The following SLAMF1 variants were observed in gnomAD, a reference collection of about 807,000 sequenced individuals.
The protein encoded by SLAMF1 is signaling lymphocytic activation molecule.
A neutral mutation model predicts 35.1 loss-of-function variants in SLAMF1; 18 were observed. The ratio of observed to expected loss-of-function variants is 0.51; its 90% confidence interval spans 0.35 to 0.76. The LOEUF is 0.76. SLAMF1 is among the 30% of genes least tolerant of loss of function. The pLI, the probability that SLAMF1 is intolerant of heterozygous loss-of-function variation, is 0.01. For missense variants in SLAMF1, 392 were observed against 413.0 expected (o/e 0.95, Z 0.44); for synonymous variants, 168 against 157.2 (o/e 1.07, Z -0.51).
chr1:160,612,619 G>C, intron 5 of SLAMF1, 39 bp from the exon 6 acceptor site: 4 of 1,265,022 alleles, frequency 3.2e-6, no homozygotes, highest in Non-Finnish European at 4.6e-6. Flanking sequence ...GCTGAACAGA[G>C]AGAGCTAGTT....
Position 160,642,672 on chromosome 1 carries a change from CA to C in SLAMF1, c.76+4197del, listed in dbSNP as rs1660813965. 6.6e-6 allele frequency among the ~76,000 whole-genome samples: 1 copy of C among 152,182 alleles called. No individual in the cohort carries two copies. The highest frequency in any genetic ancestry group is 6.5e-5 in the Admixed American group (1 of 15,282). ...CACAGAGTCCAAGTTCTCCTCCCTC[CA>C]AAAGCAGAATGTACTCTGATTTGCC... On this transcript the variant is annotated intron_variant, in intron 1 of 6. Transcript: ENST00000302035. This position sits in a 1 kb window ranked among gnomAD's most constrained non-coding sequence, Gnocchi z 4.2.
At chr1:160,621,855 CGTGT>C (rs59676823) in intron 4 of SLAMF1, among the ~76,000 whole-genome samples, 3,708 of 145,178 alleles carry the variant, frequency 0.026, 55 homozygotes, top group South Asian at 0.047. Context: ...TGCGTGAGTG[CGTGT>C]GTGTGTGTGT....
chr1:160,643,756 T>C (rs1660882806), intron 1 of SLAMF1, among the ~76,000 whole-genome samples: 1 of 152,240 alleles, frequency 6.6e-6, no homozygotes, highest in Admixed American at 6.5e-5. Flanking sequence ...CTTTTCTTTA[T>C]GCTAAGAACA....
chr1:160,625,058 A>G (rs972210968), intron 3 of SLAMF1, among the ~76,000 whole-genome samples: 20 of 152,194 alleles, frequency 1.3e-4, no homozygotes, highest in Non-Finnish European at 2.6e-4. Context: ...TTTTATGGAG[A>G]AGGAAAACAG....
chr1:160,609,962 C>T lies in SLAMF1; in HGVS notation c.*786G>A, dbSNP rs1570956644. ...AAAAATCACCATGGGACAAGTTCCTCTGAGTATTCCAAGCTCCTTTGTAAC... is the reference window on the plus strand; with the variant it reads ...AAAAATCACCATGGGACAAGTTCCTTTGAGTATTCCAAGCTCCTTTGTAAC... On this transcript the variant is annotated 3_prime_UTR_variant, in exon 7 of 7. Transcript: ENST00000302035. 5.5e-6 allele frequency: 1 copy of T among 181,978 alleles called. No homozygotes were observed. Among genetic ancestry groups the T allele is most frequent in the Non-Finnish European group, 1.2e-5 (1 of 85,590 alleles). The allele number at this position is 181,978 out of a possible 1,614,324, so 11.3% of individuals were successfully genotyped here. A position where few individuals can be genotyped will look rare whatever the true frequency, so the allele number is the denominator to read the frequency against.
intron 1 of SLAMF1, among the ~76,000 whole-genome samples, chr1:160,644,473 G>A (rs1210397201): frequency 1.3e-5 from 2 of 152,194 alleles, no homozygotes. Flanking sequence ...CCTGGTATAT[G>A]GCAAGTATGC....
intron 3 of SLAMF1, among the ~76,000 whole-genome samples, chr1:160,631,880 A>G (rs1375821625): frequency 6.6e-6 from 1 of 152,116 alleles, no homozygotes; most frequent in African/African-American, 2.4e-5. Flanking sequence ...TTATTATGGC[A>G]GCCCTAGCAA....
chr1:160,618,850 G>T (rs1401405313), intron 5 of SLAMF1, among the ~76,000 whole-genome samples: 1 of 152,134 alleles, frequency 6.6e-6, no homozygotes, highest in East Asian at 1.9e-4. Context: ...AGCGTGGGGT[G>T]AAAGGGTTAC....
chr1:160,612,260 CTT>C (rs1417019708), intron 6 of SLAMF1, among the ~76,000 whole-genome samples: 3 of 142,344 alleles, frequency 2.1e-5, no homozygotes, highest in East Asian at 4.0e-4. Context: ...TTTTTTTTTA[CTT>C]TTATTTTAAG....
At chr1:160,633,102 A>C (rs188760539) in intron 3 of SLAMF1, among the ~76,000 whole-genome samples, 1 of 152,338 alleles carries the variant, frequency 6.6e-6, no homozygotes, top group African/African-American at 2.4e-5. Flanking sequence ...TTGTAAGTAG[A>C]AAGGGCAGCA....
intron 2 of SLAMF1, 71 bp from the exon 3 acceptor site, chr1:160,634,968 T>C: frequency 2.9e-6 from 4 of 1,362,294 alleles, no homozygotes; most frequent in Non-Finnish European, 4.1e-6. Flanking sequence ...ACCTTTTTGT[T>C]AGAACAAAGT....
At chr1:160,614,324 C>A (rs1659168221) in intron 5 of SLAMF1, among the ~76,000 whole-genome samples, 1 of 152,080 alleles carries the variant, frequency 6.6e-6, no homozygotes, top group South Asian at 2.1e-4. Context: ...GCCTGTAATC[C>A]CAGCACTTTG....
intron 3 of SLAMF1, among the ~76,000 whole-genome samples, chr1:160,627,545 G>A (rs1448032741): frequency 6.6e-6 from 1 of 152,022 alleles, no homozygotes; most frequent in Admixed American, 6.6e-5. Context: ...TGTATAGTAG[G>A]CCCAAGTATT....
intron 1 of SLAMF1, among the ~76,000 whole-genome samples, chr1:160,645,830 C>A (rs139224528): frequency 6.6e-6 from 1 of 152,096 alleles, no homozygotes; most frequent in African/African-American, 2.4e-5. Flanking sequence ...TTGTGCAGCA[C>A]CCCCACATCC....
In SLAMF1 at chr1:160,619,843, G is replaced by T. The variant is rs1570974645; in HGVS notation, c.797C>A (p.Thr266Lys). The T allele has an allele frequency of 2.5e-6, 4 of 1,608,310 alleles. No individual in the cohort carries two copies. The highest frequency in any genetic ancestry group is 3.4e-6 in the Non-Finnish European group (4 of 1,174,910). Residue 266 changes from threonine (T) to lysine (K), a missense_variant, in exon 5 of 7, where the codon ACG becomes AAG. Transcript: ENST00000302035. ...VILQLRRRGK[T>K]NHYQTTVEKK... ...TTCCACTGTTGTCTGGTAATGGTTC[G>T]TTTTACCTGGTGAAAAGAAACCATA...
chr1:160,630,907 C>T (rs948083789), intron 3 of SLAMF1, among the ~76,000 whole-genome samples: 1 of 152,174 alleles, frequency 6.6e-6, no homozygotes, highest in Non-Finnish European at 1.5e-5. Flanking sequence ...ATTTTTAAAA[C>T]CCAGTTTATG....
rs183406909 is a variant in SLAMF1 at position 160,640,880 on chromosome 1, G to A, written c.77-3351C>T. On this transcript the variant is annotated intron_variant, in intron 1 of 6. Transcript: ENST00000302035. ...GCTCTCCCCTGCTGCTTGATGACAT[G>A]AGGAACATTATAGTTATTGTGGTGG... 1.1e-4 allele frequency among the ~76,000 whole-genome samples: 16 copies of A among 152,286 alleles called. No individual in the cohort carries two copies. In the East Asian group the frequency reaches 2.9e-3, roughly 28 times the overall value.
Position 160,634,774 on chromosome 1 carries a change from G to C in SLAMF1, c.539C>G (p.Ala180Gly). Residue 180 changes from alanine to glycine, a missense_variant, in exon 3 of 7, where the codon GCG (alanine) becomes GGG (glycine). Transcript: ENST00000302035. ...DHVAYSWSEK[A>G]GTHPLNPANS... ...GGCTGGGTTCAGTGGGTGGGTGCCCGCCTTTTCACTCCAGCTGTAAGCCAC... is the reference window on the plus strand; with the variant it reads ...GGCTGGGTTCAGTGGGTGGGTGCCCCCCTTTTCACTCCAGCTGTAAGCCAC... 6.2e-7 allele frequency: 1 copy of C among 1,614,070 alleles called. No homozygotes were observed.
Position 160,608,409 on chromosome 1 carries a change from T to A in SLAMF1, c.*2339A>T, listed in dbSNP as rs1452478654. 6.6e-6 allele frequency: 1 copy of A among 152,240 alleles called. No individual in the cohort carries two copies. Among genetic ancestry groups the A allele is most frequent in the Non-Finnish European group, 1.5e-5 (1 of 68,050 alleles). The allele number at this position is 152,240 out of a possible 1,614,324, so 9.4% of individuals were successfully genotyped here. A position where few individuals can be genotyped will look rare whatever the true frequency, so the allele number is the denominator to read the frequency against. ...GAAACACGGGGAAAACTTATTGTTT[T>A]AAGTCTGAGGAAAAGGCAAGCTCCC... On this transcript the variant is annotated 3_prime_UTR_variant, in exon 7 of 7. Transcript: ENST00000302035.
Sources: allele counts gnomAD v4.1 joint callset (sites outside exome capture counted in the v4.1 genomes callset), GRCh38; gene constraint gnomAD v4.1.1; non-coding constraint Gnocchi (gnomAD v3.1); transcripts MANE v1.5; gene names NCBI Gene and HGNC (gene_info 2026-07-23, HGNC 2026-07-21).